Variants in BCAR3 observed in about 807,000 individuals in gnomAD.
BCAR3 encodes breast cancer anti-estrogen resistance protein 3.
Under a neutral mutation model 80.1 loss-of-function variants are expected in BCAR3, and 37 were observed. The observed-to-expected ratio is 0.46, with a 90% CI of 0.36 to 0.61. The LOEUF (loss-of-function observed/expected upper bound fraction) is 0.61, where lower values mean the gene tolerates loss of function less well. Among genes scored for constraint, BCAR3 ranks in the 20% least tolerant of loss-of-function variants. BCAR3 has a pLI of 0.00. For synonymous variants in BCAR3, 389 were observed against 418.9 expected (o/e 0.93, Z 0.87); for missense variants, 978 against 1,068.2 (o/e 0.92, Z 1.18).
At chr1:93,753,098 G>T (rs886797573) in intron 2 of BCAR3, 10 of 152,150 alleles carry the variant, frequency 6.6e-5, no homozygotes, top group African/African-American at 2.4e-4. Flanking sequence ...GAACACTTTT[G>T]CATTCATTGA....
At chr1:93,573,933 T>C (rs1332675881) in intron 8 of BCAR3, among the ~76,000 whole-genome samples, 1 of 152,340 alleles carries the variant, frequency 6.6e-6, no homozygotes, top group East Asian at 1.9e-4. Context: ...CCAGCTGTTA[T>C]CTGATACATT....
intron 2 of BCAR3, among the ~76,000 whole-genome samples, chr1:93,769,556 C>T (rs1233708513): frequency 6.6e-6 from 1 of 151,654 alleles, no homozygotes; most frequent in African/African-American, 2.4e-5. Context: ...ATTTGTGTGG[C>T]CACTAGGAGA....
intron 2 of BCAR3, among the ~76,000 whole-genome samples, chr1:93,655,711 T>C (rs1314009960): frequency 1.3e-5 from 2 of 152,238 alleles, no homozygotes; most frequent in Non-Finnish European, 2.9e-5. Flanking sequence ...ACACAACTAC[T>C]GAATAGCAAA....
At chr1:93,739,771 A>G (rs1651114740) in intron 2 of BCAR3, among the ~76,000 whole-genome samples, 1 of 152,224 alleles carries the variant, frequency 6.6e-6, no homozygotes, top group Non-Finnish European at 1.5e-5. Context: ...GCAGTGGCTC[A>G]TGCCTGTAAT....
chr1:93,822,653 T>C (rs1256310162), intron 2 of BCAR3, among the ~76,000 whole-genome samples: 1 of 152,112 alleles, frequency 6.6e-6, no homozygotes. Context: ...ATACTTTGGA[T>C]ATGGCTGGAG....
chr1:93,591,048 G>A (rs1298801457), intron 4 of BCAR3, among the ~76,000 whole-genome samples: 1 of 151,588 alleles, frequency 6.6e-6, no homozygotes, highest in Non-Finnish European at 1.5e-5. Context: ...GGAGAATTAT[G>A]GATAAGAGTT....
chr1:93,639,475 A>ATT (rs139593635), intron 3 of BCAR3, among the ~76,000 whole-genome samples: 86 of 128,106 alleles, frequency 6.7e-4, no homozygotes, highest in East Asian at 2.7e-3. Context: ...GGGGAGCAGC[A>ATT]TTTTTTTTTT....
chr1:93,602,131 G>A (rs1674641725), intron 3 of BCAR3: 4 of 147,832 alleles, frequency 2.7e-5, no homozygotes, highest in Admixed American at 2.7e-4. Context: ...TTTTTTTTTT[G>A]AGACAGGGTC....
chr1:93,591,677 A>G (rs555532460), intron 4 of BCAR3, among the ~76,000 whole-genome samples: 1 of 152,302 alleles, frequency 6.6e-6, no homozygotes, highest in African/African-American at 2.4e-5. Context: ...ATTTATGGCA[A>G]TCACCCAAAT....
At position 93,576,329 on chromosome 1, in the gene BCAR3, TAGG is replaced by T. The variant is rs558060454; in HGVS notation, c.1687-203_1687-201del. On this transcript the variant is annotated intron_variant, in intron 7 of 11. Coordinates refer to ENST00000260502, the MANE Select transcript of BCAR3 (RefSeq NM_003567.4). Reference sequence around the variant, plus strand: ...AATACACATAGTACAGTATAAAACTTAGGGGGAAAAGAAAGACTGGTGGGAGAT... The same window carrying T: ...AATACACATAGTACAGTATAAAACTTGGGAAAAGAAAGACTGGTGGGAGAT... Among the ~76,000 whole-genome samples, 244 of 152,298 alleles carry T rather than the reference TAGG, an allele frequency of 1.6e-3. 1 individual carries two copies. The highest frequency in any genetic ancestry group is 5.6e-3 in the African/African-American group (232 of 41,564).
chr1:93,777,856 GAAT>G (rs1439431602), intron 2 of BCAR3, among the ~76,000 whole-genome samples: 2 of 152,198 alleles, frequency 1.3e-5, no homozygotes, highest in Non-Finnish European at 2.9e-5. Context: ...CCTGTTTTCA[GAAT>G]AATGAGTTGG....
intron 2 of BCAR3, among the ~76,000 whole-genome samples, chr1:93,832,948 A>G (rs1484895139): frequency 1.3e-5 from 2 of 151,876 alleles, no homozygotes; most frequent in African/African-American, 4.8e-5. Flanking sequence ...CTTAATCCAC[A>G]AGTACAGGAC....
At chr1:93,646,395 G>T (rs1057082662) in intron 2 of BCAR3, 2 of 152,124 alleles carry the variant, frequency 1.3e-5, no homozygotes, top group Non-Finnish European at 2.9e-5. Context: ...CTGAGGTCGG[G>T]AGTTCAAGAC....
intron 1 of BCAR3, 106 bp from the exon 2 acceptor site, chr1:93,675,047 CACAGACCATTA>C: frequency 1.1e-6 from 1 of 935,902 alleles, no homozygotes; most frequent in African/African-American, 1.7e-5. Flanking sequence ...ATGAAATATT[CACAGACCATTA>C]ACAGATCAAC....
chr1:93,609,254 G>T (rs148303417), intron 3 of BCAR3, among the ~76,000 whole-genome samples: 13 of 152,320 alleles, frequency 8.5e-5, no homozygotes, highest in Admixed American at 7.8e-4. Flanking sequence ...CTTCCTGGCT[G>T]CAAAGACAGT....
chr1:93,741,849 G>A (rs1571088425), intron 2 of BCAR3, among the ~76,000 whole-genome samples: 2 of 152,172 alleles, frequency 1.3e-5, no homozygotes, highest in African/African-American at 4.8e-5. Context: ...GGAATTATAG[G>A]CATGAGCCAT....
chr1:93,572,396 AAATG>A (rs1393646994), intron 8 of BCAR3, among the ~76,000 whole-genome samples: 1 of 152,238 alleles, frequency 6.6e-6, no homozygotes, highest in East Asian at 1.9e-4. Context: ...AGAGGCCAGG[AAATG>A]AATGGGGAGG....
At chr1:93,709,171 C>T (rs1251629626) in intron 2 of BCAR3, among the ~76,000 whole-genome samples, 1 of 152,168 alleles carries the variant, frequency 6.6e-6, no homozygotes, top group Admixed American at 6.5e-5. Context: ...AAGAGAAGAA[C>T]GAGGGGGAGT....
intron 2 of BCAR3, among the ~76,000 whole-genome samples, chr1:93,717,471 TC>T (rs542167847): frequency 1.0e-3 from 153 of 152,268 alleles, no homozygotes; most frequent in Non-Finnish European, 1.9e-3. Context: ...ACGCCTGTAA[TC>T]CCAGCACTTT....
Sources: gnomAD v4.1 joint callset for allele counts (sites outside exome capture counted in the v4.1 genomes callset) on GRCh38, gnomAD v4.1.1 for gene constraint, MANE v1.5 for transcripts, NCBI Gene and HGNC (gene_info 2026-07-23, HGNC 2026-07-21) for gene names.